The following CFAP61 variants were observed in gnomAD, a reference collection of about 807,000 sequenced individuals.
CFAP61 encodes the protein cilia- and flagella-associated protein 61.
Under a neutral mutation model 135.6 loss-of-function variants are expected in CFAP61, and 107 were observed. The ratio of observed to expected loss-of-function variants is 0.79; its 90% confidence interval spans 0.67 to 0.93. The LOEUF (loss-of-function observed/expected upper bound fraction) is 0.93, where lower values mean the gene tolerates loss of function less well. Among genes scored for constraint, CFAP61 ranks in the 40% least tolerant of loss-of-function variants. The pLI is 0.00. For synonymous variants in CFAP61, 575 were observed against 578.5 expected, an observed-to-expected ratio of 0.99 and a Z score of 0.09; for missense variants, 1,507 against 1,556.2, an observed-to-expected ratio of 0.97 and a Z score of 0.53.
intron 8 of CFAP61, among the ~76,000 whole-genome samples, chr20:20,112,602 C>T (rs920226530): frequency 2.6e-5 from 4 of 152,040 alleles, no homozygotes; most frequent in Non-Finnish European, 4.4e-5. Flanking sequence ...ATAAAAGGGT[C>T]ATCATTCTTC....
At chr20:20,077,254 A>G (rs1271702247) in intron 6 of CFAP61, among the ~76,000 whole-genome samples, 3 of 152,382 alleles carry the variant, frequency 2.0e-5, no homozygotes, top group East Asian at 3.9e-4. Context: ...GGAATGAACC[A>G]TTTACATATA....
intron 20 of CFAP61, among the ~76,000 whole-genome samples, chr20:20,255,277 AG>A (rs1458430965): frequency 1.3e-5 from 2 of 152,186 alleles, no homozygotes; most frequent in Non-Finnish European, 2.9e-5. Flanking sequence ...GTCATGGAGC[AG>A]CAGAGAGATG....
chr20:20,116,366 C>G (rs1389801560), intron 8 of CFAP61, among the ~76,000 whole-genome samples: 2 of 152,136 alleles, frequency 1.3e-5, no homozygotes, highest in African/African-American at 4.8e-5. Flanking sequence ...ATAATTTCTC[C>G]CATCCTGTGG....
chr20:20,341,146 G>A (rs927586458), intron 25 of CFAP61, among the ~76,000 whole-genome samples: 1 of 152,170 alleles, frequency 6.6e-6, no homozygotes, highest in Admixed American at 6.5e-5. Flanking sequence ...TGACCCTGAA[G>A]CAGTTAAGTT....
intron 8 of CFAP61, among the ~76,000 whole-genome samples, chr20:20,128,985 G>A (rs1036796494): frequency 6.0e-5 from 9 of 151,226 alleles, no homozygotes; most frequent in African/African-American, 2.0e-4. Flanking sequence ...TTAACAAGTT[G>A]TTATAACTAT....
At position 20,128,545 on chromosome 20, in the gene CFAP61, G is replaced by A. The variant is rs192516627; in HGVS notation, c.860-14312G>A. ...ACTCACAGTATTTGGGCTGTCTCCC[G>A]GGTTCTGCAGGAGGCAGTCTGCTTC... On this transcript the variant is annotated intron_variant, in intron 8 of 26. Transcript: ENST00000245957. 3.0e-3 allele frequency among the ~76,000 whole-genome samples: 457 copies of A among 151,754 alleles called. 3 individuals carry two copies. The highest frequency in any genetic ancestry group is 3.7e-3 in the East Asian group (19 of 5,172).
At chr20:20,134,555 C>CT (rs1600860556) in intron 8 of CFAP61, among the ~76,000 whole-genome samples, 1 of 152,146 alleles carries the variant, frequency 6.6e-6, no homozygotes, top group African/African-American at 2.4e-5. Flanking sequence ...CACAGGAAGA[C>CT]TTTACAAAGG....
intron 18 of CFAP61, among the ~76,000 whole-genome samples, chr20:20,243,696 CA>C (rs2050194474): frequency 6.6e-6 from 1 of 152,130 alleles, no homozygotes; most frequent in East Asian, 1.9e-4. Flanking sequence ...CTCGGCCTCC[CA>C]AAGTGCTGGG....
chr20:20,199,393 A>T (rs2056483182), intron 16 of CFAP61, among the ~76,000 whole-genome samples: 1 of 152,188 alleles, frequency 6.6e-6, no homozygotes, highest in Admixed American at 6.5e-5. Context: ...TGTGCCAAAC[A>T]TGCAAAGGTT....
At chr20:20,272,955 G>A (rs2053471293) in intron 21 of CFAP61, among the ~76,000 whole-genome samples, 1 of 152,038 alleles carries the variant, frequency 6.6e-6, no homozygotes, top group Non-Finnish European at 1.5e-5. Context: ...GAAAACCAGG[G>A]GTGGAAATCT....
chr20:20,125,936 G>A (rs1318899851), intron 8 of CFAP61, among the ~76,000 whole-genome samples: 1 of 151,774 alleles, frequency 6.6e-6, no homozygotes, highest in African/African-American at 2.4e-5. Flanking sequence ...ATATCTTCCT[G>A]CTGGACAAGG....
intron 13 of CFAP61, among the ~76,000 whole-genome samples, chr20:20,170,473 GAAAAAAC>G (rs1178042790): frequency 1.4e-4 from 21 of 151,838 alleles, no homozygotes; most frequent in Admixed American, 1.4e-3. Flanking sequence ...GTTTCTACAG[GAAAAAAC>G]AAAAAACAAA....
At chr20:20,227,510 T>A (rs1380810163) in intron 17 of CFAP61, among the ~76,000 whole-genome samples, 1 of 152,250 alleles carries the variant, frequency 6.6e-6, no homozygotes, top group Non-Finnish European at 1.5e-5. Flanking sequence ...TGTAAAACTT[T>A]ACTTTGCACA....
intron 8 of CFAP61, among the ~76,000 whole-genome samples, chr20:20,114,691 C>G (rs1198603658): frequency 6.6e-6 from 1 of 152,002 alleles, no homozygotes; most frequent in Non-Finnish European, 1.5e-5. Context: ...TTTTGTATTT[C>G]TCTATATAAT....
chr20:20,182,475 A>G (rs2055175152), intron 13 of CFAP61, among the ~76,000 whole-genome samples: 2 of 151,988 alleles, frequency 1.3e-5, no homozygotes, highest in South Asian at 4.1e-4. Flanking sequence ...TTCTCAAAAT[A>G]TGGTCTGGAG....
intron 18 of CFAP61, among the ~76,000 whole-genome samples, chr20:20,239,750 C>G (rs1417666157): frequency 6.6e-6 from 1 of 152,176 alleles, no homozygotes; most frequent in East Asian, 1.9e-4. Context: ...TTGGTAAAAT[C>G]TCTACCAAGA....
rs570481943 is a variant in CFAP61, at chr20:20,280,430, G to A, written c.2796+2972G>A. Reference sequence around the variant, plus strand: ...TCTTGTCTTGAGCTACCCAGTTTGTGGTACTTCATTACAGCAGCCCTAGGA... The same window carrying A: ...TCTTGTCTTGAGCTACCCAGTTTGTAGTACTTCATTACAGCAGCCCTAGGA... On this transcript the variant is annotated intron_variant, in intron 22 of 26. Coordinates refer to ENST00000245957, the MANE Select transcript of CFAP61 (RefSeq NM_015585.4). Among the ~76,000 whole-genome samples the A allele has an allele frequency of 4.3e-4, 65 of 152,228 alleles. 1 individual carries two copies. Among genetic ancestry groups the A allele is most frequent in the Admixed American group, 1.6e-3 (24 of 15,256 alleles).
intron 17 of CFAP61, among the ~76,000 whole-genome samples, chr20:20,223,894 CAT>C (rs2048558411): frequency 6.6e-6 from 1 of 152,142 alleles, no homozygotes; most frequent in African/African-American, 2.4e-5. Context: ...GTTATAATTA[CAT>C]CCAGATTATT....
Position 20,196,552 on chromosome 20 carries a change from C to T in CFAP61, c.1591-18C>T, listed in dbSNP as rs1350680643. On this transcript the variant is annotated intron_variant, in intron 15 of 26. Transcript: ENST00000245957. The stretch of plus-strand genomic sequence containing the variant: ...TTTAAAATGCTTGTAGAAACCATCC[C>T]TTCTGTCTCTTCTGTAGGACATTGA... 1.9e-6 allele frequency: 3 copies of T among 1,576,066 alleles called. No homozygotes were observed. Among genetic ancestry groups the T allele is most frequent in the Middle Eastern group, 1.7e-4 (1 of 5,984 alleles).
Sources: gnomAD v4.1 joint callset for allele counts (sites outside exome capture counted in the v4.1 genomes callset) on GRCh38, gnomAD v4.1.1 for gene constraint, MANE v1.5 for transcripts, NCBI Gene and HGNC (gene_info 2026-07-23, HGNC 2026-07-21) for gene names.